RAPGEF2: variants seen among roughly 807,000 people sequenced by gnomAD.
The protein encoded by RAPGEF2 is Rap guanine nucleotide exchange factor 2.
In RAPGEF2, 54 loss-of-function variants were observed where a neutral mutation model predicts 186.7. That is an observed-to-expected ratio of 0.29 (90% CI 0.23 to 0.36). The LOEUF (loss-of-function observed/expected upper bound fraction) is 0.36. RAPGEF2 is among the 10% of genes least tolerant of loss of function. The pLI is 1.00. For synonymous variants in RAPGEF2, 712 were observed against 705.9 expected (o/e 1.01, Z -0.14); for missense variants, 1,532 against 2,045.0 (o/e 0.75, Z 4.84).
At chr4:159,188,450 G>A (rs1747770658) in intron 2 of RAPGEF2, among the ~76,000 whole-genome samples, 1 of 151,980 alleles carries the variant, frequency 6.6e-6, no homozygotes, top group African/African-American at 2.4e-5. Context: ...GATCACTTGA[G>A]GTCAGGAGTT....
At chr4:159,237,929 G>C (rs780224721) in intron 4 of RAPGEF2, among the ~76,000 whole-genome samples, 18 of 150,924 alleles carry the variant, frequency 1.2e-4, no homozygotes, top group Non-Finnish European at 2.7e-4. Context: ...GAGGCAGGAG[G>C]GTTGCTTGAG....
chr4:159,336,111 C>T (rs950542602), intron 17 of RAPGEF2, among the ~76,000 whole-genome samples: 5 of 151,710 alleles, frequency 3.3e-5, no homozygotes, highest in African/African-American at 4.8e-5. Flanking sequence ...AATTTTGTCC[C>T]GGACTGACCT....
chr4:159,147,623 ATATT>A (rs934240014), intron 1 of RAPGEF2, among the ~76,000 whole-genome samples: 2 of 152,214 alleles, frequency 1.3e-5, no homozygotes, highest in African/African-American at 4.8e-5. Flanking sequence ...GCTCCTGAAG[ATATT>A]TATGGTTAGA....
chr4:159,195,938 G>T (rs1748613731), intron 3 of RAPGEF2, among the ~76,000 whole-genome samples: 1 of 121,918 alleles, frequency 8.2e-6, no homozygotes, highest in Admixed American at 1.1e-4. Context: ...GACAGTGCAT[G>T]TGAGCTATGC....
chr4:159,305,456 G>C (rs1041802221), intron 8 of RAPGEF2, among the ~76,000 whole-genome samples: 1 of 152,058 alleles, frequency 6.6e-6, no homozygotes, highest in Non-Finnish European at 1.5e-5. Context: ...TTTTTCATAT[G>C]TCTGTTGGCT....
intron 29 of RAPGEF2, among the ~76,000 whole-genome samples, chr4:159,357,607 C>T (rs1465233304): frequency 1.3e-5 from 2 of 152,080 alleles, no homozygotes; most frequent in East Asian, 1.9e-4. Flanking sequence ...CGCTTGAGCC[C>T]GGGAGGCGGA....
intron 1 of RAPGEF2, among the ~76,000 whole-genome samples, chr4:159,112,637 C>A (rs1449530199): frequency 3.3e-5 from 5 of 151,972 alleles, no homozygotes; most frequent in Non-Finnish European, 7.4e-5. Flanking sequence ...GAAGAGACAC[C>A]TCTTTGTTAT....
intron 4 of RAPGEF2, among the ~76,000 whole-genome samples, chr4:159,234,705 G>A (rs1753039171): frequency 6.6e-6 from 1 of 151,792 alleles, no homozygotes; most frequent in African/African-American, 2.4e-5. Flanking sequence ...CAGGTGATCT[G>A]CCTGCCTCTG....
chr4:159,157,206 C>T (rs956203687), intron 1 of RAPGEF2, among the ~76,000 whole-genome samples: 1 of 152,158 alleles, frequency 6.6e-6, no homozygotes, highest in African/African-American at 2.4e-5. Flanking sequence ...ATGCCAGACT[C>T]CATTAACCAT....
chr4:159,138,651 A>G (rs1003003180), intron 1 of RAPGEF2, among the ~76,000 whole-genome samples: 1 of 152,212 alleles, frequency 6.6e-6, no homozygotes, highest in Non-Finnish European at 1.5e-5. Flanking sequence ...TGATTTCTAC[A>G]TTGGGGAATG....
chr4:159,208,408 T>C (rs1395566056), intron 3 of RAPGEF2, among the ~76,000 whole-genome samples: 1 of 152,178 alleles, frequency 6.6e-6, no homozygotes, highest in Non-Finnish European at 1.5e-5. Flanking sequence ...TGATGTACTC[T>C]TGAAAGAAAT....
intron 4 of RAPGEF2, among the ~76,000 whole-genome samples, chr4:159,236,329 A>G (rs1210124539): frequency 6.6e-6 from 1 of 152,246 alleles, no homozygotes; most frequent in African/African-American, 2.4e-5. Flanking sequence ...ATAGTGTGCT[A>G]GTGCAACTTG....
At chr4:159,187,123 C>T (rs1308126476) in intron 2 of RAPGEF2, among the ~76,000 whole-genome samples, 1 of 152,196 alleles carries the variant, frequency 6.6e-6, no homozygotes, top group Non-Finnish European at 1.5e-5. Context: ...TCTGCTTCAT[C>T]TAGGTCCTAT....
chr4:159,217,686 C>T (rs569586443), intron 4 of RAPGEF2, among the ~76,000 whole-genome samples: 1 of 152,202 alleles, frequency 6.6e-6, no homozygotes, highest in South Asian at 2.1e-4. Flanking sequence ...AATGGGATGG[C>T]TGGGTCAAAT....
At chr4:159,303,761 G>C (rs553072005) in intron 7 of RAPGEF2, among the ~76,000 whole-genome samples, 2 of 152,116 alleles carry the variant, frequency 1.3e-5, no homozygotes, top group African/African-American at 4.8e-5. Context: ...CATGTAGAAA[G>C]TTGATATTTA....
chr4:159,198,482 G>T (rs1749055860), intron 3 of RAPGEF2, among the ~76,000 whole-genome samples: 1 of 147,182 alleles, frequency 6.8e-6, no homozygotes, highest in Non-Finnish European at 1.5e-5. Flanking sequence ...GTCTAGCTCT[G>T]TTACCCAGGC....
At chr4:159,249,830 G>T (rs1302485965) in intron 7 of RAPGEF2, among the ~76,000 whole-genome samples, 1 of 151,262 alleles carries the variant, frequency 6.6e-6, no homozygotes, top group East Asian at 1.9e-4. Context: ...TTCTTTTTTG[G>T]TTAAAGAAAC....
rs142896381 is a variant in RAPGEF2, at chr4:159,291,142, C to A, written c.544-13200C>A. On this transcript the variant is annotated intron_variant, in intron 7 of 29. Transcript: ENST00000691494. ...TATTGTCTAGCTCAGTTGTAATACC[C>A]GTCACTAGAAAAGGAGTACCTGTGG... Among the ~76,000 whole-genome samples, 387 of 152,142 alleles carry A rather than the reference C, an allele frequency of 2.5e-3. 1 individual carries two copies. Among genetic ancestry groups the A allele is most frequent in the African/African-American group, 8.7e-3 (360 of 41,502 alleles).
At position 159,356,256 on chromosome 4, in the gene RAPGEF2, A is replaced by G. The variant is rs563955559; in HGVS notation, c.4957+98A>G. ...TGTTCTCTTAACACTGCAGTCAGCT[A>G]TGTCTAACCATATACTACACAAAGT... On this transcript the variant is annotated intron_variant, in intron 29 of 29. Coordinates refer to ENST00000691494, the MANE Select transcript of RAPGEF2 (RefSeq NM_001394067.2). 2.0e-5 allele frequency: 25 copies of G among 1,234,730 alleles called. No individual in the cohort carries two copies. In the East Asian group the frequency reaches 5.3e-4, roughly 26 times the overall value. 76.5% of individuals were successfully genotyped at this position (1,234,730 alleles called of 1,614,324 possible). A position where few individuals can be genotyped will look rare whatever the true frequency, so the allele number is the denominator to read the frequency against.
Sources: gnomAD v4.1 joint callset for allele counts (sites outside exome capture counted in the v4.1 genomes callset) on GRCh38, gnomAD v4.1.1 for gene constraint, MANE v1.5 for transcripts, NCBI Gene and HGNC (gene_info 2026-07-23, HGNC 2026-07-21) for gene names.